The following FHIT variants were observed in gnomAD, a reference collection of about 807,000 sequenced individuals.
FHIT encodes the protein bis(5'-adenosyl)-triphosphatase.
Under a neutral mutation model 17.9 loss-of-function variants are expected in FHIT, and 19 were observed. That is an observed-to-expected ratio of 1.06 (90% confidence interval 0.74 to 1.56). The LOEUF is 1.56. FHIT is among the 40% of genes most tolerant of loss of function. The pLI is 0.00. For missense variants in FHIT, 248 were observed against 189.2 expected, an observed-to-expected ratio of 1.31 and a Z score of -1.82; for synonymous variants, 81 against 69.7, an observed-to-expected ratio of 1.16 and a Z score of -0.81.
intron 1 of FHIT, among the ~76,000 whole-genome samples, chr3:61,248,321 T>C (rs929043360): frequency 6.6e-6 from 1 of 151,616 alleles, no homozygotes; most frequent in African/African-American, 2.4e-5. Context: ...GGTGGGGGCA[T>C]GGGGGTGATG....
chr3:60,571,335 C>CAATAAA lies in FHIT; in HGVS notation c.-17-34357_-17-34356insTTTATT, dbSNP rs750168873. Among the ~76,000 whole-genome samples the CAATAAA allele has an allele frequency of 9.3e-4, 51 of 54,670 alleles. 3 individuals carry two copies. Among genetic ancestry groups the CAATAAA allele is most frequent in the Admixed American group, 1.7e-3 (6 of 3,464 alleles). 35.9% of individuals were successfully genotyped at this position (54,670 alleles called of 152,430 possible). A position where few individuals can be genotyped will look rare whatever the true frequency, so the allele number is the denominator to read the frequency against. ...TGGGCAACAGGGCAAGACTCCATCG[C>CAATAAA]AAAAAAAAAAAAAAAAAAAAAAAAA... On this transcript the variant is annotated intron_variant, in intron 4 of 9. Coordinates refer to ENST00000492590, the MANE Select transcript of FHIT (RefSeq NM_002012.4).
chr3:60,281,631 A>AG (rs398052017), intron 5 of FHIT, among the ~76,000 whole-genome samples: 17 of 132,938 alleles, frequency 1.3e-4, no homozygotes, highest in South Asian at 4.7e-4. Flanking sequence ...AAAAAAAAAA[A>AG]GGGGGGATCT....
intron 8 of FHIT, among the ~76,000 whole-genome samples, chr3:59,768,618 A>ATAT (rs200989956): frequency 0.012 from 1,787 of 152,312 alleles, 3 homozygotes; most frequent in African/African-American, 0.041. Flanking sequence ...TTGACTTCCC[A>ATAT]GACATCAATG....
chr3:60,976,108 T>C (rs1365129289), intron 3 of FHIT, among the ~76,000 whole-genome samples: 17 of 125,232 alleles, frequency 1.4e-4, no homozygotes, highest in Admixed American at 9.6e-4. Flanking sequence ...TTTTTTTTTT[T>C]TTTTTTTTTT....
At chr3:60,796,263 C>G (rs1700978063) in intron 4 of FHIT, among the ~76,000 whole-genome samples, 1 of 152,078 alleles carries the variant, frequency 6.6e-6, no homozygotes, top group Non-Finnish European at 1.5e-5. Context: ...AGTATTTGAG[C>G]TTATTTATGT....
chr3:60,173,908 T>TATATAC (rs1701537359), intron 5 of FHIT, among the ~76,000 whole-genome samples: 1 of 81,176 alleles, frequency 1.2e-5, no homozygotes, highest in Non-Finnish European at 2.3e-5. Flanking sequence ...TATATATATA[T>TATATAC]ATATATATGT....
chr3:61,017,814 G>C (rs1456291636), intron 3 of FHIT, among the ~76,000 whole-genome samples: 3 of 152,146 alleles, frequency 2.0e-5, no homozygotes, highest in Admixed American at 6.5e-5. Context: ...GAAATAATCA[G>C]CTGATACAGA....
At chr3:59,866,271 G>C (rs1019690456) in intron 8 of FHIT, among the ~76,000 whole-genome samples, 5 of 152,156 alleles carry the variant, frequency 3.3e-5, no homozygotes, top group Non-Finnish European at 7.3e-5. Flanking sequence ...TCCACGCAGA[G>C]GAAGTGGCCA....
chr3:60,831,951 A>G (rs570726324), intron 3 of FHIT, among the ~76,000 whole-genome samples: 1 of 152,132 alleles, frequency 6.6e-6, no homozygotes, highest in Non-Finnish European at 1.5e-5. Flanking sequence ...TTTTGAAGTG[A>G]CTTTGTAGCC....
At chr3:59,795,440 G>A (rs1301838553) in intron 8 of FHIT, among the ~76,000 whole-genome samples, 1 of 151,770 alleles carries the variant, frequency 6.6e-6, no homozygotes, top group Non-Finnish European at 1.5e-5. Flanking sequence ...AAATAAGGCT[G>A]TATTCATAAA....
At chr3:60,411,131 T>C (rs1702045322) in intron 5 of FHIT, among the ~76,000 whole-genome samples, 2 of 152,170 alleles carry the variant, frequency 1.3e-5, no homozygotes, top group Admixed American at 1.3e-4. Flanking sequence ...TGCACCATCA[T>C]AGAACGATCT....
intron 4 of FHIT, among the ~76,000 whole-genome samples, chr3:60,780,327 A>C (rs530976606): frequency 1.2e-4 from 19 of 152,214 alleles, no homozygotes; most frequent in Non-Finnish European, 2.1e-4. Context: ...AACTAGAAAG[A>C]GTTGGTTTCC....
At chr3:60,606,487 C>A (rs573445669) in intron 4 of FHIT, among the ~76,000 whole-genome samples, 1 of 152,026 alleles carries the variant, frequency 6.6e-6, no homozygotes, top group Non-Finnish European at 1.5e-5. Context: ...GCAATCTGCC[C>A]GCCTCAGCCT....
intron 1 of FHIT, among the ~76,000 whole-genome samples, chr3:61,217,150 T>A (rs2039705687): frequency 6.6e-6 from 1 of 151,942 alleles, no homozygotes; most frequent in Non-Finnish European, 1.5e-5. Flanking sequence ...ATAATAATAA[T>A]AAAATAAAAA....
chr3:59,818,800 G>A (rs1452898990), intron 8 of FHIT, among the ~76,000 whole-genome samples: 1 of 152,150 alleles, frequency 6.6e-6, no homozygotes. Flanking sequence ...CAGATCACAT[G>A]CACAGAGTTC....
intron 7 of FHIT, among the ~76,000 whole-genome samples, chr3:59,953,533 A>G (rs539189808): frequency 2.6e-5 from 4 of 152,194 alleles, no homozygotes; most frequent in East Asian, 1.9e-4. Flanking sequence ...ACTTGCAGAC[A>G]TATCTTTAGC....
At chr3:61,135,485 G>A (rs1307538622) in intron 2 of FHIT, among the ~76,000 whole-genome samples, 6 of 152,124 alleles carry the variant, frequency 3.9e-5, no homozygotes, top group African/African-American at 7.2e-5. Flanking sequence ...AAGGAACTGA[G>A]GCTTAGAGAG....
intron 5 of FHIT, among the ~76,000 whole-genome samples, chr3:60,147,639 A>G (rs965093301): frequency 4.6e-5 from 7 of 152,306 alleles, no homozygotes; most frequent in Admixed American, 2.0e-4. Context: ...ATGTAATAAC[A>G]AAAGAGTAAG....
At chr3:59,810,822 C>T (rs1263833511) in intron 8 of FHIT, among the ~76,000 whole-genome samples, 4 of 152,160 alleles carry the variant, frequency 2.6e-5, no homozygotes, top group Non-Finnish European at 5.9e-5. Context: ...TGGTAATTAG[C>T]GCATGTAAGC....
Sources: allele counts gnomAD v4.1 joint callset (sites outside exome capture counted in the v4.1 genomes callset), GRCh38; gene constraint gnomAD v4.1.1; transcripts MANE v1.5; gene names NCBI Gene and HGNC (gene_info 2026-07-23, HGNC 2026-07-21).